The following PTPRT variants were observed in gnomAD, a reference collection of about 807,000 sequenced individuals.
The protein encoded by PTPRT is receptor-type tyrosine-protein phosphatase T.
In PTPRT, 56 loss-of-function variants were observed where a neutral mutation model predicts 176.8. The observed-to-expected ratio is 0.32, with a 90% CI of 0.26 to 0.40. The LOEUF is 0.40. PTPRT is among the 10% of genes least tolerant of loss of function. The pLI, the probability that PTPRT is intolerant of heterozygous loss-of-function variation, is 1.00. For synonymous variants in PTPRT, 783 were observed against 739.0 expected (o/e 1.06, Z -0.96); for missense variants, 1,540 against 1,908.2 (o/e 0.81, Z 3.60).
the PTPRT span, among the ~76,000 whole-genome samples, chr20:42,065,681 ATACATTATCAG>A: frequency 6.6e-6 from 1 of 152,216 alleles, no homozygotes; most frequent in Admixed American, 6.5e-5. Context: ...TATAAAACTG[ATACATTATCAG>A]TTCTGCTTAT....
rs1040098758 is a variant in PTPRT at position 42,206,832 on chromosome 20, G to A, written c.2343-7444C>T. Among the ~76,000 whole-genome samples, 39 of 152,360 alleles carry A rather than the reference G, an allele frequency of 2.6e-4. 1 individual carries two copies. The highest frequency in any genetic ancestry group is 8.9e-4 in the African/African-American group (37 of 41,592). The stretch of plus-strand genomic sequence containing the variant: ...GCCTGCCTCTGTAGGCTCCACCTCT[G>A]GGGGCAGGGCACAGACAAACAAAAA... On this transcript the variant is annotated intron_variant, in intron 15 of 30. Coordinates refer to ENST00000373187, the MANE Select transcript of PTPRT (RefSeq NM_007050.6).
intron 1 of PTPRT, among the ~76,000 whole-genome samples, chr20:43,110,938 A>G (rs1481543995): frequency 6.6e-6 from 1 of 152,224 alleles, no homozygotes. Context: ...AGGCAGCACC[A>G]ACTCGAATGA....
At chr20:42,268,381 T>C (rs1185119354) in intron 13 of PTPRT, among the ~76,000 whole-genome samples, 2 of 152,322 alleles carry the variant, frequency 1.3e-5, no homozygotes, top group Non-Finnish European at 2.9e-5. Flanking sequence ...ATTATCTGAC[T>C]GCTCGACTGG....
chr20:42,618,585 G>A (rs1419399933), intron 7 of PTPRT, among the ~76,000 whole-genome samples: 6 of 129,390 alleles, frequency 4.6e-5, no homozygotes, highest in South Asian at 2.4e-4. Context: ...AAGTCTCTTT[G>A]TAGGTCACTC....
intron 22 of PTPRT, 43 bp from the exon 23 acceptor site, chr20:42,110,530 G>T (rs374577066): frequency 1.3e-6 from 2 of 1,544,958 alleles, no homozygotes; most frequent in African/African-American, 1.4e-5. Context: ...TGCTGCCCTC[G>T]CATACCCAGC....
rs544398631 is a variant in PTPRT, at chr20:42,967,771, C to T, written c.89-81839G>A. On this transcript the variant is annotated intron_variant, in intron 1 of 30. Transcript: ENST00000373187. Reference sequence around the variant, plus strand: ...GCTGTTATTCAAACCATCGCAGCAGCCTCCTCATTGCCCTCGCTGCCTTCA... The same window carrying T: ...GCTGTTATTCAAACCATCGCAGCAGTCTCCTCATTGCCCTCGCTGCCTTCA... 9.2e-5 allele frequency among the ~76,000 whole-genome samples: 14 copies of T among 151,468 alleles called. No homozygotes were observed. In the East Asian group the frequency reaches 2.5e-3, roughly 27 times the overall value.
chr20:42,446,161 C>T (rs2223326), intron 9 of PTPRT, among the ~76,000 whole-genome samples: 109 of 152,230 alleles, frequency 7.2e-4, no homozygotes, highest in African/African-American at 2.5e-3. Flanking sequence ...CAACATAGCC[C>T]TACAGTAGTA....
intron 9 of PTPRT, among the ~76,000 whole-genome samples, chr20:42,406,793 G>A (rs548241643): frequency 6.6e-6 from 1 of 152,234 alleles, no homozygotes; most frequent in South Asian, 2.1e-4. Context: ...ACTAAGCAAG[G>A]ATTATTCTAA....
At chr20:42,412,329 T>G (rs1397487866) in intron 9 of PTPRT, among the ~76,000 whole-genome samples, 1 of 152,204 alleles carries the variant, frequency 6.6e-6, no homozygotes, top group East Asian at 1.9e-4. Flanking sequence ...TCAGTCATTA[T>G]GGAAATCCAA....
rs192341710 is a variant in PTPRT, at chr20:42,498,150, A to T, written c.1154-25588T>A. Among the ~76,000 whole-genome samples, 67 of 152,326 alleles carry T rather than the reference A, an allele frequency of 4.4e-4. 1 individual carries two copies. The East Asian group carries it at 0.011, about 25-fold the overall frequency. ...TCAAGAGATCACTTTTTATTGTGGTAAGTGATGTACTGGAAAGATGAACTG... is the reference window on the plus strand; with the variant it reads ...TCAAGAGATCACTTTTTATTGTGGTTAGTGATGTACTGGAAAGATGAACTG... On this transcript the variant is annotated intron_variant, in intron 7 of 30. Transcript: ENST00000373187.
chr20:42,756,524 C>T lies in PTPRT; in HGVS notation c.797G>A (p.Arg266His). 6.2e-7 allele frequency: 1 copy of T among 1,612,224 alleles called. No individual in the cohort carries two copies. Among genetic ancestry groups the T allele is most frequent in the Non-Finnish European group, 8.5e-7 (1 of 1,178,784 alleles). Residue 266 changes from arginine (R) to histidine (H), a missense_variant, in exon 6 of 31, where the codon CGC becomes CAC. Transcript: ENST00000373187. ...CCCACCATCAGAGCGGATCACACAGCGGTACTTGCTGACGCTCCGCTGGGC... is the reference window on the plus strand; with the variant it reads ...CCCACCATCAGAGCGGATCACACAGTGGTACTTGCTGACGCTCCGCTGGGC... ...DTAQRSVSKY[R>H]CVIRSDGGSG... is the part of the protein sequence containing the mutation.
intron 17 of PTPRT, among the ~76,000 whole-genome samples, chr20:42,153,972 G>A (rs914151562): frequency 3.9e-5 from 6 of 152,208 alleles, no homozygotes; most frequent in African/African-American, 1.4e-4. Context: ...GGTCACTGAT[G>A]GCTTTTGGCC....
At position 42,521,115 on chromosome 20, in the gene PTPRT, AC is replaced by A. The variant is rs1213963661; in HGVS notation, c.1154-48554del. ...ATCTACCTATCTAACCTACCTAGTG[AC>A]CTACCTACCTACCTACCTACTCACC... On this transcript the variant is annotated intron_variant, in intron 7 of 30. Coordinates refer to ENST00000373187, the MANE Select transcript of PTPRT (RefSeq NM_007050.6). 6.2e-3 allele frequency among the ~76,000 whole-genome samples: 941 copies of A among 151,728 alleles called. 16 individuals are homozygous for A. Among genetic ancestry groups the A allele is most frequent in the African/African-American group, 0.022 (903 of 41,362 alleles).
Position 42,712,082 on chromosome 20 carries a change from G to A in PTPRT, c.860-33923C>T, listed in dbSNP as rs577602667. On this transcript the variant is annotated intron_variant, in intron 6 of 30. Coordinates refer to ENST00000373187, the MANE Select transcript of PTPRT (RefSeq NM_007050.6). Reference sequence around the variant, plus strand: ...AGTATACTGTGCCATTCATTACCTGGACTAATGAGACAAAGGTGATGCAGG... The same window carrying A: ...AGTATACTGTGCCATTCATTACCTGAACTAATGAGACAAAGGTGATGCAGG... Among the ~76,000 whole-genome samples, 19 of 152,218 alleles carry A rather than the reference G, an allele frequency of 1.2e-4. No individual in the cohort carries two copies. The East Asian group carries it at 2.9e-3, about 23-fold the overall frequency.
chr20:42,706,038 G>A (rs1006497992), intron 6 of PTPRT, among the ~76,000 whole-genome samples: 24 of 152,018 alleles, frequency 1.6e-4, no homozygotes, highest in Non-Finnish European at 3.5e-4. Flanking sequence ...GGTTTCCCAA[G>A]CTCCTCAGCT....
chr20:42,622,388 C>T (rs1477873153), intron 7 of PTPRT, among the ~76,000 whole-genome samples: 4 of 152,052 alleles, frequency 2.6e-5, no homozygotes, highest in Admixed American at 6.6e-5. Context: ...ACTACAGGCA[C>T]CCGCCAACAT....
chr20:42,540,107 G>C (rs975368594), intron 7 of PTPRT, among the ~76,000 whole-genome samples: 3 of 152,148 alleles, frequency 2.0e-5, no homozygotes, highest in Non-Finnish European at 2.9e-5. Context: ...GTAGATAATG[G>C]AGCAATTTTA....
At chr20:42,976,099 A>G (rs1282428764) in intron 1 of PTPRT, among the ~76,000 whole-genome samples, 1 of 152,192 alleles carries the variant, frequency 6.6e-6, no homozygotes, top group African/African-American at 2.4e-5. Context: ...CAAGGTCACA[A>G]ATCAGTCTCC....
intron 11 of PTPRT, among the ~76,000 whole-genome samples, chr20:42,339,336 C>T (rs551995383): frequency 6.6e-6 from 1 of 152,226 alleles, no homozygotes; most frequent in East Asian, 1.9e-4. Context: ...TTTTTAGCCC[C>T]CACGTGGACA....
Sources: allele counts gnomAD v4.1 joint callset (sites outside exome capture counted in the v4.1 genomes callset), GRCh38; gene constraint gnomAD v4.1.1; transcripts MANE v1.5; gene names NCBI Gene and HGNC (gene_info 2026-07-23, HGNC 2026-07-21).